Variants in ZNF385D observed in about 807,000 individuals in gnomAD.
The protein encoded by ZNF385D is zinc finger protein 385D.
ZNF385D carries 15 observed loss-of-function variants against 35.8 expected under a neutral mutation model. The ratio of observed to expected loss-of-function variants is 0.42; its 90% confidence interval spans 0.28 to 0.64. The LOEUF is 0.64. Among genes scored for constraint, ZNF385D ranks in the 30% least tolerant of loss-of-function variants. ZNF385D has a pLI of 0.23. For missense variants in ZNF385D, 474 were observed against 494.6 expected, an observed-to-expected ratio of 0.96 and a Z score of 0.39; for synonymous variants, 212 against 186.8, an observed-to-expected ratio of 1.13 and a Z score of -1.10.
At chr3:21,817,718 C>T (rs1023424770) in intron 3 of ZNF385D, among the ~76,000 whole-genome samples, 4 of 152,198 alleles carry the variant, frequency 2.6e-5, no homozygotes, top group African/African-American at 7.2e-5. Context: ...CACTTTTACA[C>T]TGTTGGTGGG....
intron 3 of ZNF385D, among the ~76,000 whole-genome samples, chr3:22,144,184 A>G (rs997024726): frequency 1.3e-5 from 2 of 152,238 alleles, no homozygotes; most frequent in Non-Finnish European, 2.9e-5. Context: ...TAATTTTACA[A>G]AAAATAACTA....
At chr3:22,112,816 G>A (rs1382341924) in intron 3 of ZNF385D, among the ~76,000 whole-genome samples, 2 of 151,624 alleles carry the variant, frequency 1.3e-5, no homozygotes, top group Non-Finnish European at 2.9e-5. Flanking sequence ...TTTACTCAGG[G>A]AATGAACTGT....
chr3:21,710,977 G>T (rs1263152090), intron 1 of ZNF385D, among the ~76,000 whole-genome samples: 3 of 146,788 alleles, frequency 2.0e-5, no homozygotes, highest in Non-Finnish European at 4.5e-5. Context: ...TCATAGCGAT[G>T]TGACTTTTGT....
intron 1 of ZNF385D, among the ~76,000 whole-genome samples, chr3:21,677,138 G>T (rs1243818032): frequency 2.6e-5 from 4 of 152,040 alleles, no homozygotes; most frequent in Non-Finnish European, 4.4e-5. Context: ...AACATGAAAG[G>T]GACGCAAATA....
chr3:21,965,089 A>G (rs532383485), intron 3 of ZNF385D, among the ~76,000 whole-genome samples: 2 of 152,160 alleles, frequency 1.3e-5, no homozygotes, highest in Non-Finnish European at 2.9e-5. Context: ...GAAAAATTTT[A>G]GAGACTGAAC....
intron 2 of ZNF385D, among the ~76,000 whole-genome samples, chr3:22,212,803 C>T (rs1466685766): frequency 6.6e-6 from 1 of 151,944 alleles, no homozygotes; most frequent in Non-Finnish European, 1.5e-5. Flanking sequence ...ACTATTTAAA[C>T]TACAACATTC....
At chr3:22,283,699 G>T (rs1054357074) in intron 2 of ZNF385D, among the ~76,000 whole-genome samples, 1 of 152,138 alleles carries the variant, frequency 6.6e-6, no homozygotes, top group African/African-American at 2.4e-5. Context: ...GAAGGTGGTT[G>T]TGAGAAGAAA....
chr3:22,094,738 C>G (rs532911993), intron 3 of ZNF385D, among the ~76,000 whole-genome samples: 1 of 151,982 alleles, frequency 6.6e-6, no homozygotes, highest in Non-Finnish European at 1.5e-5. Flanking sequence ...GGTGGCCACA[C>G]TGGGAAATGT....
intron 3 of ZNF385D, among the ~76,000 whole-genome samples, chr3:22,043,274 T>A (rs946992807): frequency 6.6e-6 from 1 of 152,118 alleles, no homozygotes; most frequent in African/African-American, 2.4e-5. Flanking sequence ...TTGAAAACAA[T>A]GTATGGTTCA....
intron 3 of ZNF385D, among the ~76,000 whole-genome samples, chr3:21,990,242 T>C (rs1007944365): frequency 6.6e-5 from 10 of 152,116 alleles, no homozygotes; most frequent in Non-Finnish European, 1.0e-4. Context: ...ATCTTAGGGG[T>C]TTATTGGCAC....
At chr3:22,253,284 A>G (rs1278276269) in intron 2 of ZNF385D, among the ~76,000 whole-genome samples, 1 of 151,932 alleles carries the variant, frequency 6.6e-6, no homozygotes, top group Non-Finnish European at 1.5e-5. Context: ...GTTAGGACTA[A>G]GGTATTGTAA....
chr3:22,034,945 C>G (rs1698222529), intron 3 of ZNF385D, among the ~76,000 whole-genome samples: 1 of 152,038 alleles, frequency 6.6e-6, no homozygotes, highest in Admixed American at 6.6e-5. Flanking sequence ...ATTTACATGT[C>G]AAATACTTTA....
chr3:21,654,801 T>G (rs1424546083), intron 2 of ZNF385D, among the ~76,000 whole-genome samples: 2 of 152,074 alleles, frequency 1.3e-5, no homozygotes, highest in Admixed American at 1.3e-4. Context: ...TCAATTTCCA[T>G]TAAACAGTTC....
At chr3:21,853,724 T>C (rs1696547478) in intron 3 of ZNF385D, among the ~76,000 whole-genome samples, 1 of 151,790 alleles carries the variant, frequency 6.6e-6, no homozygotes, top group African/African-American at 2.4e-5. Flanking sequence ...TCACGATGAG[T>C]GAATTTCCTC....
chr3:21,561,252 T>A (rs553350697), intron 3 of ZNF385D, among the ~76,000 whole-genome samples: 3 of 152,302 alleles, frequency 2.0e-5, no homozygotes, highest in African/African-American at 7.2e-5. Flanking sequence ...AGTTTTGTGC[T>A]GGAAACTTAG....
At chr3:21,927,533 GA>G (rs1271250919) in intron 3 of ZNF385D, among the ~76,000 whole-genome samples, 1 of 152,018 alleles carries the variant, frequency 6.6e-6, no homozygotes, top group Non-Finnish European at 1.5e-5. Context: ...GTATTAAAAC[GA>G]AACAAAAAGA....
chr3:22,272,662 T>C (rs1034674241), intron 2 of ZNF385D, among the ~76,000 whole-genome samples: 2 of 152,002 alleles, frequency 1.3e-5, no homozygotes, highest in African/African-American at 4.8e-5. Context: ...TTAAAAAAAA[T>C]TCCTCTTAGG....
chr3:21,683,244 T>C lies in ZNF385D; in HGVS notation c.23-18216A>G, dbSNP rs138509369. ...TTCTATGACAACCCCCAAGATTTCC[T>C]GCTTCCTGCTGTACACACCCTACAT... On this transcript the variant is annotated intron_variant, in intron 1 of 7. Coordinates refer to ENST00000281523, the MANE Select transcript of ZNF385D (RefSeq NM_024697.3). 4.5e-3 allele frequency among the ~76,000 whole-genome samples: 682 copies of C among 150,136 alleles called. 30 individuals are homozygous for C. The highest frequency in any genetic ancestry group is 7.4e-3 in the Non-Finnish European group (502 of 67,394).
At chr3:22,117,386 G>A (rs1702866190) in intron 3 of ZNF385D, among the ~76,000 whole-genome samples, 1 of 152,064 alleles carries the variant, frequency 6.6e-6, no homozygotes, top group South Asian at 2.1e-4. Context: ...AGTGTTAGTT[G>A]TGAGCTAACT....
Sources: gnomAD v4.1 joint callset for allele counts (sites outside exome capture counted in the v4.1 genomes callset) on GRCh38, gnomAD v4.1.1 for gene constraint, MANE v1.5 for transcripts, NCBI Gene and HGNC (gene_info 2026-07-23, HGNC 2026-07-21) for gene names.